RAMP3: variants seen among roughly 807,000 people sequenced by gnomAD.
The protein encoded by RAMP3 is receptor activity-modifying protein 3.
RAMP3 carries 14 observed loss-of-function variants against 13.5 expected under a neutral mutation model. That is an observed-to-expected ratio of 1.04 (90% CI 0.69 to 1.63). The LOEUF is 1.63. Ranked by LOEUF, RAMP3 falls within the 40% of genes most tolerant of loss-of-function variation. The pLI, the probability that RAMP3 is intolerant of heterozygous loss-of-function variation, is 0.00. For missense variants in RAMP3, 200 were observed against 204.8 expected, an observed-to-expected ratio of 0.98 and a Z score of 0.14; for synonymous variants, 106 against 88.3, an observed-to-expected ratio of 1.20 and a Z score of -1.12.
intron 2 of RAMP3, among the ~76,000 whole-genome samples, chr7:45,178,702 G>A (rs775074258): frequency 1.3e-5 from 2 of 152,258 alleles, no homozygotes; most frequent in Non-Finnish European, 2.9e-5. Context: ...CCCACTGGTG[G>A]GGGTGGAGTC....
Position 45,176,298 on chromosome 7 carries a change from G to A in RAMP3, c.59-1011G>A, listed in dbSNP as rs79057173. 4.9e-3 allele frequency among the ~76,000 whole-genome samples: 749 copies of A among 152,140 alleles called. 17 individuals are homozygous for A. The highest frequency in any genetic ancestry group is 0.031 in the East Asian group (163 of 5,180). On this transcript the variant is annotated intron_variant, in intron 1 of 2. Transcript: ENST00000242249. ...TATTTCCTCTAGCCCAGCACCAGCC[G>A]CCGGAACACAGATGACAGGGCTGTG...
intron 2 of RAMP3, among the ~76,000 whole-genome samples, chr7:45,178,096 T>A (rs998213870): frequency 1.3e-5 from 2 of 152,036 alleles, no homozygotes; most frequent in African/African-American, 4.8e-5. Context: ...GTGCTCCACC[T>A]CTCCTTACAG....
rs140176513 is a variant in RAMP3 at position 45,177,407 on chromosome 7, G to A, written c.157G>A (p.Val53Ile). 37 of 1,613,996 alleles carry A rather than the reference G, an allele frequency of 2.3e-5. No individual in the cohort carries two copies. The highest frequency in any genetic ancestry group is 2.0e-4 in the East Asian group (9 of 44,884). ...AFADMMGKVD[V>I]WKWCNLSEFI... ...CGCAGACATGATGGGCAAGGTGGAC[G>A]TCTGGAAGTGGTGCAACCTGTCCGA... The change falls in exon 2 of 3, where the codon GTC (valine) becomes ATC (isoleucine). Residue 53 changes from valine (V) to isoleucine (I), a missense_variant. Coordinates refer to ENST00000242249, the MANE Select transcript of RAMP3 (RefSeq NM_005856.3).
chr7:45,174,490 C>A (rs1391364911), intron 1 of RAMP3, among the ~76,000 whole-genome samples: 1 of 152,198 alleles, frequency 6.6e-6, no homozygotes, highest in Non-Finnish European at 1.5e-5. Context: ...TTGCTCCACG[C>A]TCCTTCTGCT....
chr7:45,178,099 C>T (rs945143375), intron 2 of RAMP3, among the ~76,000 whole-genome samples: 7 of 152,108 alleles, frequency 4.6e-5, no homozygotes, highest in Non-Finnish European at 8.8e-5. Flanking sequence ...CTCCACCTCT[C>T]CTTACAGCTG....
chr7:45,165,730 ATATGTTT>A (rs1785948406), intron 1 of RAMP3, among the ~76,000 whole-genome samples: 1 of 152,128 alleles, frequency 6.6e-6, no homozygotes, highest in East Asian at 1.9e-4. Flanking sequence ...GGAATCACTA[ATATGTTT>A]TCTGTCTCTA....
In RAMP3 at chr7:45,184,178, C is replaced by A; in HGVS notation, c.*766C>A. Reference sequence around the variant, plus strand: ...GTGGGTGAGGGGCCCTCTGGAATGGCATCCCATGAGCTTGTGGCCTCTATC... The same window carrying A: ...GTGGGTGAGGGGCCCTCTGGAATGGAATCCCATGAGCTTGTGGCCTCTATC... On this transcript the variant is annotated 3_prime_UTR_variant, in exon 3 of 3. Coordinates refer to ENST00000242249, the MANE Select transcript of RAMP3 (RefSeq NM_005856.3). 1 of 398,778 alleles carries A rather than the reference C, an allele frequency of 2.5e-6. No individual in the cohort carries two copies. Among genetic ancestry groups the A allele is most frequent in the African/African-American group, 2.1e-5 (1 of 48,768 alleles). 24.7% of individuals were successfully genotyped at this position (398,778 alleles called of 1,614,324 possible). A position where few individuals can be genotyped will look rare whatever the true frequency, so the allele number is the denominator to read the frequency against.
intron 1 of RAMP3, among the ~76,000 whole-genome samples, chr7:45,166,501 G>C (rs1026646268): frequency 6.6e-6 from 1 of 151,976 alleles, no homozygotes; most frequent in Non-Finnish European, 1.5e-5. Flanking sequence ...ATTTTTAATT[G>C]CTTTATTTTT....
intron 1 of RAMP3, among the ~76,000 whole-genome samples, chr7:45,174,890 A>G (rs1158852906): frequency 2.0e-5 from 3 of 152,162 alleles, no homozygotes; most frequent in Non-Finnish European, 2.9e-5. Context: ...CACAGTCCGC[A>G]ACACATGATA....
chr7:45,163,581 G>A (rs917211057), intron 1 of RAMP3: 169 of 985,344 alleles, frequency 1.7e-4, no homozygotes, highest in Non-Finnish European at 1.9e-4. Context: ...GCTGGGGTCA[G>A]CAGTGGTGGG....
intron 1 of RAMP3, among the ~76,000 whole-genome samples, chr7:45,174,989 C>G (rs763487683): frequency 6.6e-6 from 1 of 152,224 alleles, no homozygotes; most frequent in Non-Finnish European, 1.5e-5. Context: ...TGTGCAGACC[C>G]TGTGGGACCA....
intron 1 of RAMP3, among the ~76,000 whole-genome samples, chr7:45,162,886 A>G (rs1400943267): frequency 2.6e-5 from 4 of 152,182 alleles, no homozygotes; most frequent in Admixed American, 6.5e-5. Context: ...CTGCTCTTCC[A>G]TCCCCCATGC....
At chr7:45,163,938 G>C in intron 1 of RAMP3, 1 of 966,500 alleles carries the variant, frequency 1.0e-6, no homozygotes, top group Non-Finnish European at 1.2e-6. Context: ...TGATGTGAAG[G>C]TTCAGAGGGC....
At chr7:45,168,406 C>CA (rs71030854) in intron 1 of RAMP3, among the ~76,000 whole-genome samples, 35,275 of 70,404 alleles carry the variant, frequency 0.5, 7,205 homozygotes, top group East Asian at 0.7. Flanking sequence ...ACTCTGTTTC[C>CA]AAAAAAAAAA....
intron 1 of RAMP3, among the ~76,000 whole-genome samples, chr7:45,164,569 G>C (rs1785922731): frequency 6.6e-6 from 1 of 152,044 alleles, no homozygotes; most frequent in Admixed American, 6.5e-5. Context: ...AATTATAATT[G>C]TGAAATTGTG....
At chr7:45,183,038 G>A in intron 2 of RAMP3, 119 bp from the exon 3 acceptor site, 1 of 1,399,810 alleles carries the variant, frequency 7.1e-7, no homozygotes, top group Non-Finnish European at 9.7e-7. Context: ...GCTGGGCTGT[G>A]AATAGGTGGC....
At chr7:45,162,921 C>T (rs529526753) in intron 1 of RAMP3, among the ~76,000 whole-genome samples, 7 of 152,270 alleles carry the variant, frequency 4.6e-5, no homozygotes, top group South Asian at 2.1e-4. Context: ...GTGTGGTCCT[C>T]GGACCTGCAG....
At chr7:45,167,282 G>A (rs1454786728) in intron 1 of RAMP3, among the ~76,000 whole-genome samples, 2 of 152,006 alleles carry the variant, frequency 1.3e-5, no homozygotes, top group African/African-American at 4.8e-5. Context: ...GTTAATTTTC[G>A]TGTATGAGGT....
In RAMP3 at chr7:45,162,858, C is replaced by T. The variant is rs546967282; in HGVS notation, c.58+4972C>T. ...GCAGAGCCGAGGTGAGCACCTAGAG[C>T]CTTCTGGCTCCTGCTTGCTGCTCTT... On this transcript the variant is annotated intron_variant, in intron 1 of 2. Coordinates refer to ENST00000242249, the MANE Select transcript of RAMP3 (RefSeq NM_005856.3). Among the ~76,000 whole-genome samples the T allele has an allele frequency of 1.9e-3, 284 of 152,272 alleles. 2 individuals are homozygous for T. Among genetic ancestry groups the T allele is most frequent in the African/African-American group, 6.5e-3 (269 of 41,560 alleles).
Sources: gnomAD v4.1 joint callset for allele counts (sites outside exome capture counted in the v4.1 genomes callset) on GRCh38, gnomAD v4.1.1 for gene constraint, MANE v1.5 for transcripts, NCBI Gene and HGNC (gene_info 2026-07-23, HGNC 2026-07-21) for gene names.